Variants in CUL1 observed in about 807,000 individuals in gnomAD.
The protein encoded by CUL1 is cullin 1.
Under a neutral mutation model 118.0 loss-of-function variants are expected in CUL1, and 24 were observed. That is an observed-to-expected ratio of 0.20 (90% confidence interval 0.15 to 0.29). CUL1 has a LOEUF of 0.29. Among genes scored for constraint, CUL1 ranks in the 10% least tolerant of loss-of-function variants. The pLI, the probability that CUL1 is intolerant of heterozygous loss-of-function variation, is 1.00. For synonymous variants in CUL1, 332 were observed against 340.4 expected (o/e 0.98, Z 0.27); for missense variants, 361 against 933.8 (o/e 0.39, Z 7.99).
chr7:148,756,235 AT>A (rs1563160376), intron 3 of CUL1, among the ~76,000 whole-genome samples: 1 of 152,212 alleles, frequency 6.6e-6, no homozygotes, highest in Non-Finnish European at 1.5e-5. Flanking sequence ...AAGTGTTTTT[AT>A]GGTTTTTAAG....
intron 1 of CUL1, among the ~76,000 whole-genome samples, chr7:148,699,791 C>A (rs1797661348): frequency 6.6e-6 from 1 of 152,074 alleles, no homozygotes; most frequent in Non-Finnish European, 1.5e-5. Flanking sequence ...TCGGGCCGGG[C>A]CCTGCGCTGC....
chr7:148,766,558 C>T lies in CUL1; in HGVS notation c.790-3C>T. ...ACCATTCACTTGAATTAATTTTCTCCAGGCAGAGGCTCGTCTGCTTGAGGA... is the reference window on the plus strand; with the variant it reads ...ACCATTCACTTGAATTAATTTTCTCTAGGCAGAGGCTCGTCTGCTTGAGGA... On this transcript the variant is annotated splice_region_variant and splice_polypyrimidine_tract_variant and intron_variant, in intron 7 of 21. Coordinates refer to ENST00000325222, the MANE Select transcript of CUL1 (RefSeq NM_003592.3). The T allele has an allele frequency of 6.3e-7, 1 of 1,587,134 alleles. No individual in the cohort carries two copies. Among genetic ancestry groups the T allele is most frequent in the Non-Finnish European group, 8.5e-7 (1 of 1,170,814 alleles).
chr7:148,757,215 G>T (rs1799685730), intron 4 of CUL1, 65 bp downstream of exon 4: 2 of 1,098,774 alleles, frequency 1.8e-6, no homozygotes, highest in Admixed American at 5.9e-5. Context: ...ATGGCAAATT[G>T]TCTTTCAGCA....
intron 2 of CUL1, among the ~76,000 whole-genome samples, chr7:148,744,574 G>A (rs1052729801): frequency 8.6e-5 from 13 of 151,890 alleles, no homozygotes; most frequent in African/African-American, 2.9e-4. Flanking sequence ...TTTACTACTC[G>A]TATCGCTCTC....
intron 2 of CUL1, among the ~76,000 whole-genome samples, chr7:148,738,601 A>G (rs543556137): frequency 1.3e-5 from 2 of 152,316 alleles, no homozygotes; most frequent in Non-Finnish European, 2.9e-5. Flanking sequence ...GAGGACCTTC[A>G]GCAAAGAACC....
chr7:148,722,073 A>G (rs1274413513), intron 1 of CUL1, among the ~76,000 whole-genome samples: 1 of 152,220 alleles, frequency 6.6e-6, no homozygotes, highest in Non-Finnish European at 1.5e-5. Context: ...GGAATTATCA[A>G]AGGAGTGAGA....
chr7:148,766,198 A>G (rs1799997050), intron 7 of CUL1, among the ~76,000 whole-genome samples: 1 of 145,960 alleles, frequency 6.9e-6, no homozygotes, highest in Admixed American at 7.0e-5. Context: ...TGGCACAATC[A>G]TAGCTTACTA....
At chr7:148,701,223 C>A (rs1797712593) in intron 1 of CUL1, among the ~76,000 whole-genome samples, 1 of 152,090 alleles carries the variant, frequency 6.6e-6, no homozygotes, top group African/African-American at 2.4e-5. Flanking sequence ...TTTTTGGCTA[C>A]AGAAAACACA....
At chr7:148,775,680 C>T (rs930627461) in intron 9 of CUL1, among the ~76,000 whole-genome samples, 1 of 152,040 alleles carries the variant, frequency 6.6e-6, no homozygotes, top group African/African-American at 2.4e-5. Context: ...TAGCACGTAG[C>T]TAAATTTGTG....
intron 2 of CUL1, among the ~76,000 whole-genome samples, chr7:148,739,442 G>A (rs182160353): frequency 6.6e-6 from 1 of 152,180 alleles, no homozygotes; most frequent in Admixed American, 6.5e-5. Context: ...TTAGGCGAAG[G>A]TGCCCTAAAC....
At chr7:148,737,890 A>G (rs940032328) in intron 2 of CUL1, among the ~76,000 whole-genome samples, 1 of 152,050 alleles carries the variant, frequency 6.6e-6, no homozygotes, top group Non-Finnish European at 1.5e-5. Flanking sequence ...GAGCCACCAC[A>G]CCCAGCCTAG....
chr7:148,775,357 A>G (rs1800361503), intron 9 of CUL1, among the ~76,000 whole-genome samples: 1 of 152,236 alleles, frequency 6.6e-6, no homozygotes, highest in Non-Finnish European at 1.5e-5. Flanking sequence ...ACACATGGAT[A>G]AAGTCAGCTT....
In CUL1 at chr7:148,783,341, C is replaced by A. The variant is rs902510007; in HGVS notation, c.1084-442C>A. 4 of 985,332 alleles carry A rather than the reference C, an allele frequency of 4.1e-6. No homozygotes were observed. In the African/African-American group the frequency reaches 7.0e-5, roughly 17 times the overall value. The allele number at this position is 985,332 out of a possible 1,614,324, so 61.0% of individuals were successfully genotyped here. On this transcript the variant is annotated intron_variant, in intron 9 of 21. Coordinates refer to ENST00000325222, the MANE Select transcript of CUL1 (RefSeq NM_003592.3). Reference sequence around the variant, plus strand: ...AGTGGGTGGGGGCCGCAGTCAGACTCCCGCCCTGAGCCCCGCTTTCCCTCG... The same window carrying A: ...AGTGGGTGGGGGCCGCAGTCAGACTACCGCCCTGAGCCCCGCTTTCCCTCG...
rs574608783 is a variant in CUL1 at position 148,756,299 on chromosome 7, A to G, written c.316-684A>G. On this transcript the variant is annotated intron_variant, in intron 3 of 21. Transcript: ENST00000325222. ...GTAAAAATTGAATAGTATTAGTCTC[A>G]TTGTCTGAATTGCTAAGTAGGACAT... 6.6e-5 allele frequency among the ~76,000 whole-genome samples: 10 copies of G among 152,228 alleles called. No individual in the cohort carries two copies. The South Asian group carries it at 2.1e-3, about 32-fold the overall frequency.
intron 11 of CUL1, among the ~76,000 whole-genome samples, chr7:148,785,008 T>C (rs144303623): frequency 8.5e-5 from 13 of 152,342 alleles, no homozygotes; most frequent in Non-Finnish European, 1.9e-4. Context: ...GTACCAAGTC[T>C]GATGTAATTT....
chr7:148,753,921 G>A lies in CUL1; in HGVS notation c.141-55G>A, dbSNP rs1584792636. On this transcript the variant is annotated intron_variant, in intron 2 of 21. Coordinates refer to ENST00000325222, the MANE Select transcript of CUL1 (RefSeq NM_003592.3). ...ATGAAATATAAGAAAATATGTTTAT[G>A]TTAATGACCGTTAACGTCTGTGATA... 3.0e-6 allele frequency: 4 copies of A among 1,316,534 alleles called. No individual in the cohort carries two copies. The East Asian group carries it at 7.2e-5, about 24-fold the overall frequency. The allele number at this position is 1,316,534 out of a possible 1,614,324, so 81.6% of individuals were successfully genotyped here. A position where few individuals can be genotyped will look rare whatever the true frequency, so the allele number is the denominator to read the frequency against.
At chr7:148,729,266 C>T (rs1010119822) in intron 1 of CUL1, among the ~76,000 whole-genome samples, 1 of 152,178 alleles carries the variant, frequency 6.6e-6, no homozygotes, top group African/African-American at 2.4e-5. Context: ...CTTATTTAAA[C>T]TCTGCATATC....
intron 1 of CUL1, among the ~76,000 whole-genome samples, chr7:148,705,791 T>C (rs183889018): frequency 6.6e-6 from 1 of 152,320 alleles, no homozygotes. Flanking sequence ...CAAGCTTATC[T>C]ATAGGAACTT....
At position 148,702,499 on chromosome 7, in the gene CUL1, G is replaced by A. The variant is rs1030247437; in HGVS notation, c.-162+3470G>A. On this transcript the variant is annotated intron_variant, in intron 1 of 21. Transcript: ENST00000325222. The stretch of plus-strand genomic sequence containing the variant: ...AACATTAACAGGATTTTGGAAAAAC[G>A]GTCTTAAAGAACATTAAGTATTGTA... Among the ~76,000 whole-genome samples, 10 of 152,274 alleles carry A rather than the reference G, an allele frequency of 6.6e-5. No homozygotes were observed. In the South Asian group the frequency reaches 1.5e-3, roughly 22 times the overall value.
Sources: gnomAD v4.1 joint callset for allele counts (sites outside exome capture counted in the v4.1 genomes callset) on GRCh38, gnomAD v4.1.1 for gene constraint, MANE v1.5 for transcripts, NCBI Gene and HGNC (gene_info 2026-07-23, HGNC 2026-07-21) for gene names.